Variants in AP4E1 observed in about 807,000 individuals in gnomAD.
AP4E1 encodes the protein AP-4 complex subunit epsilon-1.
Under a neutral mutation model 128.2 loss-of-function variants are expected in AP4E1, and 56 were observed. The observed-to-expected ratio is 0.44, with a 90% CI of 0.35 to 0.55. The LOEUF (loss-of-function observed/expected upper bound fraction) is 0.55. AP4E1 is among the 20% of genes least tolerant of loss of function. AP4E1 has a pLI of 0.00. For synonymous variants in AP4E1, 484 were observed against 473.1 expected, an observed-to-expected ratio of 1.02 and a Z score of -0.30; for missense variants, 1,324 against 1,307.7, an observed-to-expected ratio of 1.01 and a Z score of -0.19.
Position 50,929,081 on chromosome 15 carries a change from T to C in AP4E1, c.615T>C (p.His205=). 6.2e-7 allele frequency: 1 copy of C among 1,613,924 alleles called. No homozygotes were observed. The highest frequency in any genetic ancestry group is 8.5e-7 in the Non-Finnish European group (1 of 1,179,888). ...TCATTGCTCCTAATCAAGTACAACA[T>C]ATTCATATTAAGTTTCGGAAAGCAC... ...FHLIAPNQVQ[H]IHIKFRKALC... Residue 205 remains histidine (H), a synonymous_variant, in exon 6 of 21, where the codon CAT becomes CAC. Transcript: ENST00000261842.
intron 15 of AP4E1, among the ~76,000 whole-genome samples, chr15:50,976,845 A>G (rs1050751920): frequency 1.3e-5 from 2 of 152,220 alleles, no homozygotes; most frequent in Non-Finnish European, 1.5e-5. Context: ...AATGAAAACC[A>G]CTGAACGTTA....
intron 7 of AP4E1, 107 bp downstream of exon 7, chr15:50,931,078 A>G: frequency 7.3e-7 from 1 of 1,364,322 alleles, no homozygotes; most frequent in African/African-American, 1.4e-5. Context: ...CCAATGTTTA[A>G]TTGGCTTAAT....
chr15:50,949,375 T>G (rs1240037511), intron 11 of AP4E1, among the ~76,000 whole-genome samples: 1 of 146,566 alleles, frequency 6.8e-6, no homozygotes, highest in African/African-American at 2.6e-5. Flanking sequence ...ATCGCACCAC[T>G]GCCCTCCAGG....
chr15:50,986,207 G>A (rs1435161431), intron 16 of AP4E1, among the ~76,000 whole-genome samples: 3 of 152,098 alleles, frequency 2.0e-5, no homozygotes, highest in African/African-American at 7.2e-5. Context: ...GAGATTTTGG[G>A]CTGAGACTGT....
At chr15:50,971,632 T>G (rs988076001) in intron 15 of AP4E1, among the ~76,000 whole-genome samples, 1 of 152,112 alleles carries the variant, frequency 6.6e-6, no homozygotes, top group African/African-American at 2.4e-5. Context: ...TCTTCATTTT[T>G]TTAAAAATTA....
intron 13 of AP4E1, among the ~76,000 whole-genome samples, chr15:50,951,186 T>C (rs1376153135): frequency 1.3e-5 from 2 of 152,192 alleles, no homozygotes; most frequent in East Asian, 3.8e-4. Flanking sequence ...AGGGTTGCAG[T>C]GAAGGTGTTG....
chr15:50,925,739 C>T (rs1416115185), intron 5 of AP4E1, among the ~76,000 whole-genome samples: 2 of 150,710 alleles, frequency 1.3e-5, no homozygotes, highest in Admixed American at 6.6e-5. Flanking sequence ...AAGCAATTCT[C>T]CTGCCTCAGC....
intron 18 of AP4E1, among the ~76,000 whole-genome samples, 200 bp downstream of exon 18, chr15:50,998,083 A>AT (rs2064905715): frequency 6.6e-6 from 1 of 152,172 alleles, no homozygotes; most frequent in South Asian, 2.1e-4. Flanking sequence ...TCACCAATTT[A>AT]TTTTTATATA....
chr15:50,995,980 C>CTTTTTTTT (rs1199189475), intron 17 of AP4E1, among the ~76,000 whole-genome samples: 1 of 91,796 alleles, frequency 1.1e-5, no homozygotes, highest in Non-Finnish European at 2.1e-5. Context: ...TAATATACAT[C>CTTTTTTTT]TTTTTTTTTT....
intron 3 of AP4E1, among the ~76,000 whole-genome samples, chr15:50,918,667 C>T (rs573874505): frequency 1.2e-4 from 18 of 151,960 alleles, no homozygotes; most frequent in Non-Finnish European, 2.6e-4. Flanking sequence ...TTAATCTTTC[C>T]ATTGTTTTAT....
intron 15 of AP4E1, 138 bp from the exon 16 acceptor site, chr15:50,983,884 A>T: frequency 2.7e-6 from 2 of 745,740 alleles, no homozygotes; most frequent in Non-Finnish European, 4.4e-6. Flanking sequence ...GTATTTGATT[A>T]GATCATCCTC....
intron 8 of AP4E1, among the ~76,000 whole-genome samples, chr15:50,936,617 A>G (rs1277758205): frequency 6.6e-6 from 1 of 152,084 alleles, no homozygotes. Context: ...AATATTTTTT[A>G]ATATTTTCCA....
intron 15 of AP4E1, among the ~76,000 whole-genome samples, chr15:50,983,140 A>C (rs947645083): frequency 6.6e-6 from 1 of 152,174 alleles, no homozygotes. Context: ...GAAGTAGGCA[A>C]TGTAGGGTTG....
At chr15:50,969,906 G>A (rs976679969) in intron 15 of AP4E1, among the ~76,000 whole-genome samples, 7 of 152,112 alleles carry the variant, frequency 4.6e-5, no homozygotes, top group East Asian at 1.9e-4. Context: ...TGATCTGCCC[G>A]CCTTGGCCTC....
At chr15:50,947,966 T>A in intron 10 of AP4E1, 54 bp from the exon 11 acceptor site, 1 of 1,336,036 alleles carries the variant, frequency 7.5e-7, no homozygotes. Flanking sequence ...ACTGTACTCA[T>A]TGGTGTTATG....
chr15:50,941,249 T>C (rs1185586067), intron 8 of AP4E1, among the ~76,000 whole-genome samples, 193 bp from the exon 9 acceptor site: 2 of 152,202 alleles, frequency 1.3e-5, no homozygotes, highest in African/African-American at 4.8e-5. Flanking sequence ...TTTTTGAACA[T>C]TGTATTGTGG....
chr15:50,961,303 A>G (rs2064309859), intron 14 of AP4E1, among the ~76,000 whole-genome samples: 1 of 151,908 alleles, frequency 6.6e-6, no homozygotes, highest in African/African-American at 2.4e-5. Context: ...GGACACAACA[A>G]CAATAACAAA....
At chr15:50,960,882 C>T (rs1596486103) in intron 14 of AP4E1, among the ~76,000 whole-genome samples, 1 of 150,874 alleles carries the variant, frequency 6.6e-6, no homozygotes, top group Admixed American at 6.6e-5. Context: ...AAACTGCTAG[C>T]TACACTAATC....
intron 11 of AP4E1, 52 bp downstream of exon 11, chr15:50,948,211 T>G: frequency 1.1e-6 from 1 of 934,518 alleles, no homozygotes; most frequent in South Asian, 1.5e-5. Context: ...ATGCAGTGAC[T>G]TTAAGATGAT....
Sources: allele counts gnomAD v4.1 joint callset (sites outside exome capture counted in the v4.1 genomes callset), GRCh38; gene constraint gnomAD v4.1.1; transcripts MANE v1.5; gene names NCBI Gene and HGNC (gene_info 2026-07-23, HGNC 2026-07-21).